Variants in ASAP2 observed in about 807,000 individuals in gnomAD.
ASAP2 encodes ArfGAP with SH3 domain, ankyrin repeat and PH domain 2.
In ASAP2, 45 loss-of-function variants were observed where a neutral mutation model predicts 131.4. The observed-to-expected ratio is 0.34, with a 90% CI of 0.27 to 0.44. The LOEUF is 0.44. Ranked by LOEUF, ASAP2 falls within the 20% of genes least tolerant of loss-of-function variation. The pLI is 1.00. For synonymous variants in ASAP2, 510 were observed against 503.0 expected (o/e 1.01, Z -0.19); for missense variants, 1,011 against 1,297.0 (o/e 0.78, Z 3.39).
At chr2:9,356,393 C>A in intron 14 of ASAP2, 48 bp downstream of exon 14, 1 of 1,498,238 alleles carries the variant, frequency 6.7e-7, no homozygotes. Flanking sequence ...CATTTCAATC[C>A]CATTCTGATT....
chr2:9,373,413 G>A (rs1674139128), intron 16 of ASAP2, among the ~76,000 whole-genome samples: 1 of 152,220 alleles, frequency 6.6e-6, no homozygotes, highest in Non-Finnish European at 1.5e-5. Flanking sequence ...GCAGACGCTG[G>A]CAAGAGACCT....
chr2:9,316,910 C>A (rs1280143658), intron 3 of ASAP2, among the ~76,000 whole-genome samples: 1 of 143,192 alleles, frequency 7.0e-6, no homozygotes, highest in Non-Finnish European at 1.5e-5. Flanking sequence ...AGCAACACCC[C>A]CCCAACACAC....
At chr2:9,313,198 G>C (rs1311505853) in intron 3 of ASAP2, among the ~76,000 whole-genome samples, 2 of 152,236 alleles carry the variant, frequency 1.3e-5, no homozygotes, top group African/African-American at 4.8e-5. Context: ...AAGTGGGTCT[G>C]CATGTCCGTG....
intron 1 of ASAP2, among the ~76,000 whole-genome samples, chr2:9,225,375 C>T (rs1361776924): frequency 2.0e-5 from 3 of 152,120 alleles, no homozygotes; most frequent in African/African-American, 7.2e-5. Flanking sequence ...GGACGCATGG[C>T]CCTGTTTAGA....
chr2:9,219,818 T>TG (rs1413272933), intron 1 of ASAP2, among the ~76,000 whole-genome samples: 7 of 152,154 alleles, frequency 4.6e-5, no homozygotes, highest in Admixed American at 1.3e-4. Flanking sequence ...TCCAGATCAT[T>TG]TTCATCACCA....
chr2:9,346,829 T>C (rs185576889), intron 11 of ASAP2, among the ~76,000 whole-genome samples: 12 of 152,386 alleles, frequency 7.9e-5, no homozygotes, highest in Non-Finnish European at 1.2e-4. Context: ...TGGTAATCCT[T>C]TGCTGACAGC....
chr2:9,360,520 A>G (rs1039362207), intron 15 of ASAP2, among the ~76,000 whole-genome samples: 2 of 152,146 alleles, frequency 1.3e-5, no homozygotes, highest in East Asian at 3.9e-4. Context: ...GTCCTTCCCT[A>G]TCACCGTCCC....
intron 2 of ASAP2, among the ~76,000 whole-genome samples, chr2:9,283,451 G>T (rs1353809613): frequency 6.6e-6 from 1 of 152,186 alleles, no homozygotes. Flanking sequence ...GTCTCACTGG[G>T]CTAAAATGAA....
intron 1 of ASAP2, among the ~76,000 whole-genome samples, chr2:9,253,957 C>T (rs1664910003): frequency 6.6e-6 from 1 of 151,630 alleles, no homozygotes; most frequent in African/African-American, 2.4e-5. Context: ...TCTGTAATCC[C>T]AGCACTTTGG....
rs557099838 is a variant in ASAP2, at chr2:9,300,103, C to T, written c.345+2658C>T. ...CAAAACTTAGCCAGGCGTGGTGGCTCACGGCTGTAGTCCCTGCTACTCGGG... is the reference window on the plus strand; with the variant it reads ...CAAAACTTAGCCAGGCGTGGTGGCTTACGGCTGTAGTCCCTGCTACTCGGG... On this transcript the variant is annotated intron_variant, in intron 3 of 27. Coordinates refer to ENST00000281419, the MANE Select transcript of ASAP2 (RefSeq NM_003887.3). 2.4e-4 allele frequency among the ~76,000 whole-genome samples: 37 copies of T among 152,296 alleles called. No individual in the cohort carries two copies. The South Asian group carries it at 7.3e-3, about 30-fold the overall frequency.
At chr2:9,385,082 G>T (rs1022341286) in intron 20 of ASAP2, among the ~76,000 whole-genome samples, 163 bp from the exon 21 acceptor site, 1 of 152,234 alleles carries the variant, frequency 6.6e-6, no homozygotes, top group Non-Finnish European at 1.5e-5. Flanking sequence ...TCAAGGTTAC[G>T]CTGTGAAGTA....
chr2:9,364,893 A>G (rs916332760), intron 15 of ASAP2, among the ~76,000 whole-genome samples: 6 of 152,192 alleles, frequency 3.9e-5, no homozygotes, highest in African/African-American at 9.6e-5. Context: ...GGAGAGCTCC[A>G]TTTTTAAAAA....
intron 15 of ASAP2, among the ~76,000 whole-genome samples, chr2:9,365,708 A>G (rs541743866): frequency 2.6e-5 from 4 of 152,198 alleles, no homozygotes; most frequent in Non-Finnish European, 4.4e-5. Flanking sequence ...TGCTCTGCTC[A>G]TCTGGGCCTG....
rs114142070 is a variant in ASAP2 at position 9,342,681 on chromosome 2, T to C, written c.850-1851T>C. 6.8e-3 allele frequency among the ~76,000 whole-genome samples: 1,043 copies of C among 152,314 alleles called. 6 individuals carry two copies. The highest frequency in any genetic ancestry group is 0.017 in the Middle Eastern group (5 of 294). ...GGGACTTCATTAAAATTAAAAAGTT[T>C]TGTGCTTCAGAATCTTTTTTCAAAC... On this transcript the variant is annotated intron_variant, in intron 9 of 27. Coordinates refer to ENST00000281419, the MANE Select transcript of ASAP2 (RefSeq NM_003887.3).
Position 9,217,640 on chromosome 2 carries a change from G to A in ASAP2, c.126+10410G>A, listed in dbSNP as rs541968555. Among the ~76,000 whole-genome samples, 7 of 151,426 alleles carry A rather than the reference G, an allele frequency of 4.6e-5. No homozygotes were observed. The highest frequency in any genetic ancestry group is 8.8e-5 in the Non-Finnish European group (6 of 67,852). ...TTTTTGTTTTTTTTTTTGAGACGGA[G>A]TCTTCGCTCTGCCACCCAGGCTGGA... On this transcript the variant is annotated intron_variant, in intron 1 of 27. Transcript: ENST00000281419. This position sits in a 1 kb window ranked among gnomAD's most constrained non-coding sequence, Gnocchi z 4.0.
At chr2:9,367,302 G>T (rs1673555859) in intron 15 of ASAP2, among the ~76,000 whole-genome samples, 1 of 152,018 alleles carries the variant, frequency 6.6e-6, no homozygotes. Context: ...CAAAGTGGTA[G>T]GAATACAGGT....
At chr2:9,398,276 G>A (rs903889045) in intron 24 of ASAP2, among the ~76,000 whole-genome samples, 3 of 151,748 alleles carry the variant, frequency 2.0e-5, no homozygotes, top group Non-Finnish European at 2.9e-5. Flanking sequence ...TTGGGAGGCC[G>A]AGGCAGGAGG....
At chr2:9,334,937 C>A in intron 8 of ASAP2, 124 bp downstream of exon 8, 2 of 1,336,738 alleles carry the variant, frequency 1.5e-6, no homozygotes, top group South Asian at 1.2e-5. Flanking sequence ...GTGTGGCGTT[C>A]CCACGCCTGT....
At chr2:9,317,441 T>G (rs118202180) in intron 3 of ASAP2, among the ~76,000 whole-genome samples, 3 of 3,010 alleles carry the variant, frequency 1.0e-3, no homozygotes, top group Non-Finnish European at 4.6e-3. Context: ...CATACTCACA[T>G]TCTCACACAC....
Sources: allele counts gnomAD v4.1 joint callset (sites outside exome capture counted in the v4.1 genomes callset), GRCh38; gene constraint gnomAD v4.1.1; non-coding constraint Gnocchi (gnomAD v3.1); transcripts MANE v1.5; gene names NCBI Gene and HGNC (gene_info 2026-07-23, HGNC 2026-07-21).